The following RERE variants were observed in gnomAD, a reference collection of about 807,000 sequenced individuals.
RERE encodes the protein arginine-glutamic acid dipeptide repeats protein.
RERE carries 40 observed loss-of-function variants against 146.1 expected under a neutral mutation model. The ratio of observed to expected loss-of-function variants is 0.27; its 90% CI spans 0.21 to 0.36. The LOEUF (loss-of-function observed/expected upper bound fraction) is 0.36, where lower values mean the gene tolerates loss of function less well. Ranked by LOEUF, RERE falls within the 10% of genes least tolerant of loss-of-function variation. The probability of loss-of-function intolerance (pLI) is 1.00; values close to 1 mark genes in which losing one functional copy is unlikely to be tolerated. For synonymous variants in RERE, 1,003 were observed against 866.0 expected (o/e 1.16, Z -2.78); for missense variants, 1,933 against 2,138.7 (o/e 0.90, Z 1.90).
intron 1 of RERE, among the ~76,000 whole-genome samples, chr1:8,760,107 C>A (rs1300076055): frequency 6.6e-6 from 1 of 152,142 alleles, no homozygotes; most frequent in East Asian, 1.9e-4. Context: ...CTCACTGCAA[C>A]CTCTGCCTCC....
At chr1:8,377,811 C>T (rs1394485329) in intron 12 of RERE, among the ~76,000 whole-genome samples, 9 of 151,896 alleles carry the variant, frequency 5.9e-5, no homozygotes, top group African/African-American at 7.3e-5. Context: ...CGAGGCCTGC[C>T]GCAGGACGTT....
At chr1:8,636,805 A>T (rs1330240486) in intron 2 of RERE, among the ~76,000 whole-genome samples, 2 of 152,028 alleles carry the variant, frequency 1.3e-5, no homozygotes, top group African/African-American at 4.8e-5. Flanking sequence ...TGTGGGCTGG[A>T]GGTGGAGCAG....
In RERE at chr1:8,360,376, G is replaced by T. The variant is rs1641512643; in HGVS notation, c.3131C>A (p.Pro1044His). 1.4e-6 allele frequency: 2 copies of T among 1,436,064 alleles called. No individual in the cohort carries two copies. Among genetic ancestry groups the T allele is most frequent in the Non-Finnish European group, 1.8e-6 (2 of 1,092,988 alleles). 89.0% of individuals were successfully genotyped at this position (1,436,064 alleles called of 1,614,324 possible). A position where few individuals can be genotyped will look rare whatever the true frequency, so the allele number is the denominator to read the frequency against. Residue 1044 changes from proline (P) to histidine (H), a missense_variant, in exon 18 of 23, where the codon CCT becomes CAT. Pro to His is a moderately conservative substitution (Grantham distance 77, BLOSUM62 -2). Coordinates refer to ENST00000400908, the MANE Select transcript of RERE (RefSeq NM_001042681.2). ...GCAGGTCGGAGGGGTGATGGGAGGA[G>T]GGCCTCCAGGGACAAAGGGGTGCTG... ...FAQHPFVPGG[P>H]PPITPPTCPS...
chr1:8,648,866 A>G (rs12028347), intron 2 of RERE, among the ~76,000 whole-genome samples: 34,606 of 152,008 alleles, frequency 0.23, 5,613 homozygotes, highest in East Asian at 0.76. Context: ...ACAATCAAAC[A>G]AAATTATCAG....
intron 1 of RERE, chr1:8,753,544 C>T (rs995261153): frequency 2.6e-5 from 4 of 152,062 alleles, no homozygotes; most frequent in African/African-American, 9.7e-5. Context: ...AGTCAAGACA[C>T]TCCAAATTTA....
At chr1:8,511,259 T>TA (rs1163557927) in intron 7 of RERE, among the ~76,000 whole-genome samples, 1 of 152,176 alleles carries the variant, frequency 6.6e-6, no homozygotes, top group Non-Finnish European at 1.5e-5. Context: ...TGGGCCATCT[T>TA]AAGAGACTTG....
chr1:8,779,460 C>T (rs1641126481), intron 1 of RERE, among the ~76,000 whole-genome samples: 1 of 151,850 alleles, frequency 6.6e-6, no homozygotes, highest in African/African-American at 2.4e-5. Context: ...TCCAGGAGGT[C>T]GAGACCAGCC....
Position 8,538,546 on chromosome 1 carries a change from T to G in RERE, c.830+2668A>C, listed in dbSNP as rs191597740. Among the ~76,000 whole-genome samples, 14 of 152,274 alleles carry G rather than the reference T, an allele frequency of 9.2e-5. No homozygotes were observed. The East Asian group carries it at 2.5e-3, about 27-fold the overall frequency. ...CAAACTTCAGAGATATAAGGAAATG[T>G]TCGGGATAACACCAGCAAGCCAAGG... is the stretch of plus-strand genomic sequence containing the variant. On this transcript the variant is annotated intron_variant, in intron 7 of 22. Coordinates refer to ENST00000400908, the MANE Select transcript of RERE (RefSeq NM_001042681.2).
At chr1:8,680,515 G>A (rs1018843348) in intron 1 of RERE, among the ~76,000 whole-genome samples, 6 of 152,148 alleles carry the variant, frequency 3.9e-5, no homozygotes, top group African/African-American at 7.2e-5. Context: ...ACAACAGAAA[G>A]AAGCAATTCA....
intron 1 of RERE, among the ~76,000 whole-genome samples, chr1:8,799,756 T>A (rs1047403154): frequency 6.6e-6 from 1 of 152,084 alleles, no homozygotes; most frequent in Non-Finnish European, 1.5e-5. Flanking sequence ...GTGATTTTTT[T>A]TTTTTATTTT....
At chr1:8,677,349 C>T (rs972341869) in intron 1 of RERE, among the ~76,000 whole-genome samples, 2 of 150,802 alleles carry the variant, frequency 1.3e-5, no homozygotes, top group African/African-American at 2.5e-5. Flanking sequence ...CTGCTTAAAC[C>T]CGGGAGGCAG....
chr1:8,541,497 T>C (rs1308052282), intron 6 of RERE, among the ~76,000 whole-genome samples, 179 bp from the exon 7 acceptor site: 2 of 152,240 alleles, frequency 1.3e-5, no homozygotes, highest in Non-Finnish European at 2.9e-5. Flanking sequence ...TGTACACCTG[T>C]GTAATCTGAC....
chr1:8,702,473 T>C (rs779522363), intron 1 of RERE, among the ~76,000 whole-genome samples: 17 of 152,186 alleles, frequency 1.1e-4, no homozygotes, highest in Non-Finnish European at 2.1e-4. Context: ...CACTAAAAAA[T>C]TCTTTTAACA....
At chr1:8,604,618 GAGGGAGGAAGGAAGGA>G (rs1170228256) in intron 4 of RERE, among the ~76,000 whole-genome samples, 125 of 66,134 alleles carry the variant, frequency 1.9e-3, no homozygotes, top group Middle Eastern at 0.013. Flanking sequence ...GGGAGGGAGG[GAGGGAGGAAGGAAGGA>G]AGGAAGGAAG....
intron 4 of RERE, 137 bp downstream of exon 4, chr1:8,614,424 T>C (rs1646827514): frequency 1.1e-6 from 1 of 882,236 alleles, no homozygotes; most frequent in Non-Finnish European, 1.7e-6. Flanking sequence ...CCTCTGTGCA[T>C]GTACTTGTTA....
At chr1:8,547,100 A>AC (rs1645873488) in intron 6 of RERE, among the ~76,000 whole-genome samples, 1 of 151,662 alleles carries the variant, frequency 6.6e-6, no homozygotes, top group Non-Finnish European at 1.5e-5. Flanking sequence ...AAAAAAAAAA[A>AC]CAAAATATTA....
At chr1:8,730,573 C>T (rs536557410) in intron 1 of RERE, among the ~76,000 whole-genome samples, 1 of 152,270 alleles carries the variant, frequency 6.6e-6, no homozygotes, top group South Asian at 2.1e-4. Context: ...GAACTCCTGA[C>T]CTCAGGTGAT....
At chr1:8,541,486 C>T (rs1457017250) in intron 6 of RERE, among the ~76,000 whole-genome samples, 168 bp from the exon 7 acceptor site, 1 of 152,184 alleles carries the variant, frequency 6.6e-6, no homozygotes, top group Non-Finnish European at 1.5e-5. Flanking sequence ...GACTGCTTCA[C>T]TGTACACCTG....
chr1:8,463,348 G>T (rs1429412252), intron 11 of RERE, among the ~76,000 whole-genome samples: 3 of 152,100 alleles, frequency 2.0e-5, no homozygotes, highest in South Asian at 2.1e-4. Context: ...GACCCCAAAC[G>T]GATACGGATG....
Sources: gnomAD v4.1 joint callset for allele counts (sites outside exome capture counted in the v4.1 genomes callset) on GRCh38, gnomAD v4.1.1 for gene constraint, MANE v1.5 for transcripts, NCBI Gene and HGNC (gene_info 2026-07-23, HGNC 2026-07-21) for gene names.